CNTN5: variants seen among roughly 807,000 people sequenced by gnomAD.
CNTN5 encodes the protein contactin 5, also known as contactin-5.
CNTN5 carries 77 observed loss-of-function variants against 129.1 expected under a neutral mutation model. The ratio of observed to expected loss-of-function variants is 0.60; its 90% CI spans 0.50 to 0.72. CNTN5 has a LOEUF of 0.72. CNTN5 is among the 30% of genes least tolerant of loss of function. The pLI is 0.00. For synonymous variants in CNTN5, 509 were observed against 465.6 expected, an observed-to-expected ratio of 1.09 and a Z score of -1.20; for missense variants, 1,478 against 1,328.8, an observed-to-expected ratio of 1.11 and a Z score of -1.75.
rs141752013 is a variant in CNTN5, at chr11:99,498,172, T to C, written c.-70-57973T>C. Among the ~76,000 whole-genome samples, 11 of 152,336 alleles carry C rather than the reference T, an allele frequency of 7.2e-5. No individual in the cohort carries two copies. In the East Asian group the frequency reaches 1.7e-3, roughly 24 times the overall value. On this transcript the variant is annotated intron_variant, in intron 2 of 24. Coordinates refer to ENST00000524871, the MANE Select transcript of CNTN5 (RefSeq NM_014361.4). ...ATGTCTTTTTGTCATTTTTGTTGCT[T>C]TTCTCTAATTTCTTTCAAAATAGTG...
intron 1 of CNTN5, among the ~76,000 whole-genome samples, chr11:99,185,088 A>G (rs912645322): frequency 1.1e-4 from 17 of 151,970 alleles, no homozygotes; most frequent in Non-Finnish European, 1.6e-4. Context: ...AAGTTGCCCC[A>G]TCTTTTATTT....
chr11:99,055,336 G>A (rs1417918140), intron 1 of CNTN5, among the ~76,000 whole-genome samples: 9 of 151,948 alleles, frequency 5.9e-5, no homozygotes, highest in Admixed American at 4.6e-4. Context: ...TATTATGCCT[G>A]ACTAATTTAA....
chr11:100,018,163 A>C (rs186213754), intron 9 of CNTN5, among the ~76,000 whole-genome samples: 1 of 152,158 alleles, frequency 6.6e-6, no homozygotes. Flanking sequence ...TATAATTGGA[A>C]CACAATAAAA....
chr11:99,582,672 C>G (rs997630359), intron 3 of CNTN5, among the ~76,000 whole-genome samples: 3 of 152,216 alleles, frequency 2.0e-5, no homozygotes, highest in Non-Finnish European at 4.4e-5. Flanking sequence ...CTTTTCAGCT[C>G]CATCAGGTCC....
chr11:100,004,613 A>G (rs1330895606), intron 9 of CNTN5, among the ~76,000 whole-genome samples: 2 of 152,212 alleles, frequency 1.3e-5, no homozygotes, highest in Non-Finnish European at 1.5e-5. Flanking sequence ...AATAGAATTT[A>G]GTAAAGTGAT....
intron 8 of CNTN5, among the ~76,000 whole-genome samples, chr11:99,958,163 A>G (rs1950852324): frequency 6.6e-6 from 1 of 152,358 alleles, no homozygotes; most frequent in South Asian, 2.1e-4. Flanking sequence ...AAGAATGCTG[A>G]CTTGGAAACC....
intron 3 of CNTN5, among the ~76,000 whole-genome samples, chr11:99,573,746 C>T (rs1212281579): frequency 6.6e-6 from 1 of 151,856 alleles, no homozygotes; most frequent in African/African-American, 2.4e-5. Context: ...TCTCCTGCCC[C>T]TGACCATTTC....
chr11:100,350,432 C>T (rs900943766), intron 23 of CNTN5, among the ~76,000 whole-genome samples: 4 of 151,580 alleles, frequency 2.6e-5, no homozygotes, highest in Non-Finnish European at 4.4e-5. Context: ...CAAACTGGTC[C>T]ACTCTATCAT....
chr11:99,598,085 T>C (rs1950178559), intron 3 of CNTN5, among the ~76,000 whole-genome samples: 2 of 152,158 alleles, frequency 1.3e-5, no homozygotes, highest in Non-Finnish European at 2.9e-5. Context: ...GAAAATTCCA[T>C]GTAGGGAATA....
intron 13 of CNTN5, among the ~76,000 whole-genome samples, chr11:100,108,253 A>G (rs1334837946): frequency 1.3e-5 from 2 of 152,072 alleles, no homozygotes; most frequent in African/African-American, 2.4e-5. Flanking sequence ...CAGTGAGATT[A>G]GTGCTATATA....
intron 1 of CNTN5, among the ~76,000 whole-genome samples, chr11:99,162,257 C>T (rs975295240): frequency 2.0e-5 from 3 of 148,076 alleles, no homozygotes; most frequent in African/African-American, 2.5e-5. Flanking sequence ...AGAAAGTTGG[C>T]TTGAGGGTTC....
At position 100,123,659 on chromosome 11, in the gene CNTN5, G is replaced by T. The variant is rs376227959; in HGVS notation, c.1580+49365G>T. ...CAAAACAAATTCTGCAACTCAAAAT[G>T]CTTTGAGGAACAGAAAAGATATTGG... is the stretch of plus-strand genomic sequence containing the variant. On this transcript the variant is annotated intron_variant, in intron 13 of 24. Transcript: ENST00000524871. Among the ~76,000 whole-genome samples, 6 of 152,048 alleles carry T rather than the reference G, an allele frequency of 3.9e-5. No homozygotes were observed. The East Asian group carries it at 1.2e-3, about 29-fold the overall frequency.
intron 3 of CNTN5, among the ~76,000 whole-genome samples, chr11:99,729,412 A>G (rs988329545): frequency 2.0e-5 from 3 of 152,152 alleles, no homozygotes; most frequent in Admixed American, 6.5e-5. Flanking sequence ...CATTAAGCCT[A>G]GTACCCAATA....
intron 3 of CNTN5, among the ~76,000 whole-genome samples, chr11:99,718,710 AT>A (rs1943067848): frequency 6.6e-6 from 1 of 152,106 alleles, no homozygotes; most frequent in Non-Finnish European, 1.5e-5. Context: ...AGAGAAAAAA[AT>A]TTTAGTCTCT....
chr11:100,096,495 C>T (rs967917350), intron 13 of CNTN5, among the ~76,000 whole-genome samples: 12 of 149,944 alleles, frequency 8.0e-5, no homozygotes, highest in Non-Finnish European at 1.8e-4. Flanking sequence ...CCCCTGATAC[C>T]TGATCTCCCT....
At chr11:99,394,111 G>GT (rs893173218) in intron 2 of CNTN5, among the ~76,000 whole-genome samples, 4 of 151,770 alleles carry the variant, frequency 2.6e-5, no homozygotes, top group African/African-American at 9.6e-5. Flanking sequence ...AATGATGGGT[G>GT]TAAGTGGATA....
At chr11:100,070,013 A>T (rs1166322815) in intron 10 of CNTN5, among the ~76,000 whole-genome samples, 2 of 152,140 alleles carry the variant, frequency 1.3e-5, no homozygotes, top group Non-Finnish European at 1.5e-5. Flanking sequence ...ATATATATAC[A>T]CAGAGAGATA....
At chr11:99,247,603 C>T (rs1013778191) in intron 1 of CNTN5, among the ~76,000 whole-genome samples, 11 of 149,626 alleles carry the variant, frequency 7.4e-5, no homozygotes, top group Non-Finnish European at 1.2e-4. Context: ...TAATGCTATC[C>T]CTCCCCCTTT....
intron 1 of CNTN5, among the ~76,000 whole-genome samples, chr11:99,116,264 CA>C (rs1253409342): frequency 1.3e-5 from 2 of 152,106 alleles, no homozygotes; most frequent in Non-Finnish European, 2.9e-5. Flanking sequence ...GCATTTTCCA[CA>C]ATAATATTTT....
Sources: allele counts gnomAD v4.1 joint callset (sites outside exome capture counted in the v4.1 genomes callset), GRCh38; gene constraint gnomAD v4.1.1; transcripts MANE v1.5; gene names NCBI Gene and HGNC (gene_info 2026-07-23, HGNC 2026-07-21).